BRSK2: variants seen among roughly 807,000 people sequenced by gnomAD.
The protein encoded by BRSK2 is serine/threonine-protein kinase BRSK2.
BRSK2 carries 19 observed loss-of-function variants against 83.3 expected under a neutral mutation model. The ratio of observed to expected loss-of-function variants is 0.23; its 90% CI spans 0.16 to 0.33. BRSK2 has a LOEUF of 0.33. Ranked by LOEUF, BRSK2 falls within the 10% of genes least tolerant of loss-of-function variation. The pLI is 1.00. For synonymous variants in BRSK2, 519 were observed against 435.4 expected (o/e 1.19, Z -2.39); for missense variants, 798 against 1,042.3 (o/e 0.77, Z 3.23).
At chr11:1,403,169 G>T (rs1011311101) in intron 1 of BRSK2, among the ~76,000 whole-genome samples, 1 of 152,110 alleles carries the variant, frequency 6.6e-6, no homozygotes, top group Non-Finnish European at 1.5e-5. Flanking sequence ...TCCTCGGGGG[G>T]TCTGTGTCAC....
intron 1 of BRSK2, among the ~76,000 whole-genome samples, chr11:1,425,779 C>G (rs1400418907): frequency 1.3e-5 from 2 of 152,184 alleles, no homozygotes; most frequent in African/African-American, 4.8e-5. Context: ...GGGTGGGTAG[C>G]AGGCACCCGA....
chr11:1,447,223 G>A (rs1242957960), intron 12 of BRSK2, among the ~76,000 whole-genome samples: 2 of 152,186 alleles, frequency 1.3e-5, no homozygotes, highest in Non-Finnish European at 2.9e-5. Flanking sequence ...CTGACCTTCA[G>A]TGGCCTGCAT....
At chr11:1,400,717 C>T (rs527705741) in intron 1 of BRSK2, among the ~76,000 whole-genome samples, 149 of 152,208 alleles carry the variant, frequency 9.8e-4, no homozygotes, top group South Asian at 1.2e-3. Context: ...CCATTGTGGT[C>T]GGGGGTGGGG....
chr11:1,456,238 G>T, intron 16 of BRSK2, 110 bp from the exon 17 acceptor site: 1 of 1,166,412 alleles, frequency 8.6e-7, no homozygotes, highest in Non-Finnish European at 1.2e-6. Context: ...AGGTGCCTGG[G>T]TGCTCACAAT....
intron 1 of BRSK2, chr11:1,411,033 C>G (rs1271776448): frequency 9.6e-7 from 1 of 1,044,764 alleles, no homozygotes; most frequent in Non-Finnish European, 1.2e-6. Flanking sequence ...CTTTTCTGCT[C>G]CCATCACCAT....
chr11:1,456,558 G>T (rs1175541491), intron 17 of BRSK2, 30 bp downstream of exon 17: 1 of 1,604,198 alleles, frequency 6.2e-7, no homozygotes. Flanking sequence ...GCGGCTCCGG[G>T]CCCAGGCCCG....
Position 1,438,880 on chromosome 11 carries a change from G to A in BRSK2, c.272+489G>A, listed in dbSNP as rs977733026. ...GGCTGAAAGTGTCACCTCCGCAGCC[G>A]CTGAGGCCAGCAGAAATCCCTACCC... On this transcript the variant is annotated intron_variant, in intron 3 of 19. Coordinates refer to ENST00000528841, the MANE Select transcript of BRSK2 (RefSeq NM_001256627.2). The surrounding 1 kb of genome is among the most constrained non-coding windows in gnomAD (Gnocchi z 6.4). Among the ~76,000 whole-genome samples the A allele has an allele frequency of 2.6e-5, 4 of 152,136 alleles. No homozygotes were observed. Among genetic ancestry groups the A allele is most frequent in the South Asian group, 2.1e-4 (1 of 4,826 alleles).
intron 1 of BRSK2, among the ~76,000 whole-genome samples, chr11:1,413,987 A>G (rs777499692): frequency 9.2e-5 from 14 of 152,242 alleles, no homozygotes; most frequent in Non-Finnish European, 1.9e-4. Flanking sequence ...CACACGGTTT[A>G]CTGTAGCCAG....
At chr11:1,394,924 G>T (rs1845973709) in intron 1 of BRSK2, among the ~76,000 whole-genome samples, 2 of 145,414 alleles carry the variant, frequency 1.4e-5, no homozygotes, top group Admixed American at 1.4e-4. Flanking sequence ...GATGGGTCCT[G>T]GAGATGGGTC....
chr11:1,408,654 G>A (rs945442533), intron 1 of BRSK2, among the ~76,000 whole-genome samples: 2 of 152,178 alleles, frequency 1.3e-5, no homozygotes, highest in South Asian at 2.1e-4. Flanking sequence ...GGTTCACGTC[G>A]GAACCCTCCC....
At chr11:1,453,197 T>C (rs1846018040) in intron 15 of BRSK2, among the ~76,000 whole-genome samples, 1 of 152,246 alleles carries the variant, frequency 6.6e-6, no homozygotes, top group South Asian at 2.1e-4. Flanking sequence ...CCCAGACTAG[T>C]GTCCGGCCAG....
At position 1,460,621 on chromosome 11, in the gene BRSK2, CTCCGCG is replaced by C; in HGVS notation, c.2110_2115del (p.Ser704_Ala705del). The stretch of plus-strand genomic sequence containing the variant: ...GGAGTGCCCACGGCCCACTCGGTGA[CTCCGCG>C]GCCGCTGGCCCTGGCCCCGGAGGGG... On this transcript the variant is annotated inframe_deletion, in exon 20 of 20. Transcript: ENST00000528841. The C allele has an allele frequency of 2.0e-6, 3 of 1,530,608 alleles. No homozygotes were observed. Among genetic ancestry groups the C allele is most frequent in the Non-Finnish European group, 2.6e-6 (3 of 1,143,518 alleles). The allele number at this position is 1,530,608 out of a possible 1,614,324, so 94.8% of individuals were successfully genotyped here. A position where few individuals can be genotyped will look rare whatever the true frequency, so the allele number is the denominator to read the frequency against.
chr11:1,396,198 ACCCACG>A (rs1846084415), intron 1 of BRSK2, among the ~76,000 whole-genome samples: 1 of 95,576 alleles, frequency 1.0e-5, no homozygotes, highest in South Asian at 3.6e-4. Context: ...CTTCCCTTCC[ACCCACG>A]TCCCCCACTC....
intron 1 of BRSK2, among the ~76,000 whole-genome samples, chr11:1,421,587 C>G (rs192740546): frequency 6.6e-6 from 1 of 152,336 alleles, no homozygotes; most frequent in Non-Finnish European, 1.5e-5. Context: ...ATGCGCCGCC[C>G]CTTCCCTCTG....
chr11:1,405,395 G>C (rs531587339), intron 1 of BRSK2, among the ~76,000 whole-genome samples: 70 of 152,210 alleles, frequency 4.6e-4, no homozygotes, highest in Non-Finnish European at 8.1e-4. Flanking sequence ...TGCCAGCCTT[G>C]CCCAGCCTTC....
intron 1 of BRSK2, among the ~76,000 whole-genome samples, chr11:1,434,542 T>G (rs1430577093): frequency 5.1e-5 from 4 of 78,882 alleles, no homozygotes; most frequent in South Asian, 4.3e-4. Context: ...AGGAGTGGGG[T>G]CCCCTGTGAT....
At chr11:1,451,681 AG>A (rs1457451292) in intron 15 of BRSK2, among the ~76,000 whole-genome samples, 3 of 152,168 alleles carry the variant, frequency 2.0e-5, no homozygotes, top group Non-Finnish European at 4.4e-5. Context: ...GGAGGCGAGC[AG>A]GGGGTACACT....
intron 14 of BRSK2, among the ~76,000 whole-genome samples, 175 bp downstream of exon 14, chr11:1,450,969 C>T (rs542567750): frequency 4.9e-4 from 75 of 152,346 alleles, no homozygotes; most frequent in African/African-American, 1.5e-3. Flanking sequence ...TGTGTCCTAC[C>T]TGTCGCACAG....
At position 1,460,548 on chromosome 11, in the gene BRSK2, AC is replaced by A. The variant is rs1309651498; in HGVS notation, c.2037del (p.Asp679GlufsTer178). 1 of 1,524,728 alleles carries A rather than the reference AC, an allele frequency of 6.6e-7. No individual in the cohort carries two copies. The highest frequency in any genetic ancestry group is 1.4e-5 in the African/African-American group (1 of 70,488). 94.4% of individuals were successfully genotyped at this position (1,524,728 alleles called of 1,614,324 possible). Reference sequence around the variant, plus strand: ...GACGTAATTAAACAACTTTTTTCAGACGAGAAGAACGGGCAGGCGGCCCAGG... The same window carrying A: ...GACGTAATTAAACAACTTTTTTCAGAGAGAAGAACGGGCAGGCGGCCCAGG... The part of the protein sequence containing the change: ...FFDVIKQLFS[D>X]EKNGQAAQAP... On this transcript the variant is annotated frameshift_variant, in exon 20 of 20. Transcript: ENST00000528841. LOFTEE classifies it high-confidence loss of function.
Sources: gnomAD v4.1 joint callset for allele counts (sites outside exome capture counted in the v4.1 genomes callset) on GRCh38, gnomAD v4.1.1 for gene constraint, Gnocchi (gnomAD v3.1) non-coding constraint, MANE v1.5 for transcripts, NCBI Gene and HGNC (gene_info 2026-07-23, HGNC 2026-07-21) for gene names.